Variants in LSAMP observed in about 807,000 individuals in gnomAD.
The protein encoded by LSAMP is limbic system-associated membrane protein.
A neutral mutation model predicts 38.6 loss-of-function variants in LSAMP; 7 were observed. The ratio of observed to expected loss-of-function variants is 0.18; its 90% CI spans 0.10 to 0.34. The LOEUF (loss-of-function observed/expected upper bound fraction) is 0.34, where lower values mean the gene tolerates loss of function less well. Among genes scored for constraint, LSAMP ranks in the 10% least tolerant of loss-of-function variants. The pLI is 1.00. For synonymous variants in LSAMP, 154 were observed against 166.8 expected (o/e 0.92, Z 0.59); for missense variants, 313 against 420.0 (o/e 0.75, Z 2.23).
At chr3:116,108,990 T>C (rs1443902348) in intron 1 of LSAMP, among the ~76,000 whole-genome samples, 1 of 152,204 alleles carries the variant, frequency 6.6e-6, no homozygotes, top group African/African-American at 2.4e-5. Context: ...TGGAGTTTTA[T>C]TTAATGTCGG....
intron 1 of LSAMP, among the ~76,000 whole-genome samples, chr3:116,309,746 AG>A (rs2047531398): frequency 1.3e-5 from 2 of 152,228 alleles, no homozygotes; most frequent in South Asian, 4.1e-4. Flanking sequence ...AGGTTGATTT[AG>A]GGGGCCTAGA....
At chr3:116,015,159 G>A (rs1343910185) in intron 3 of LSAMP, among the ~76,000 whole-genome samples, 1 of 152,126 alleles carries the variant, frequency 6.6e-6, no homozygotes, top group Non-Finnish European at 1.5e-5. Flanking sequence ...AAATTACACA[G>A]TATCTCTTGG....
chr3:116,117,781 T>C (rs1202010008), intron 1 of LSAMP, among the ~76,000 whole-genome samples: 1 of 152,174 alleles, frequency 6.6e-6, no homozygotes, highest in African/African-American at 2.4e-5. Context: ...AGGTAAAGTG[T>C]CATTTTAATT....
At position 115,808,687 on chromosome 3, in the gene LSAMP, T is replaced by TG. The variant is rs1363081012; in HGVS notation, c.*1629dup. On this transcript the variant is annotated 3_prime_UTR_variant, in exon 7 of 7. Transcript: ENST00000490035. ...AACAGTGGACCACCATGAACAGTGG[T>TG]GCTGCAAACACCATCAGTGAAACAG... 1 of 152,178 alleles carries TG rather than the reference T, an allele frequency of 6.6e-6. No individual in the cohort carries two copies. The highest frequency in any genetic ancestry group is 2.4e-5 in the African/African-American group (1 of 41,448). The allele number at this position is 152,178 out of a possible 1,614,324, so 9.4% of individuals were successfully genotyped here.
intron 3 of LSAMP, among the ~76,000 whole-genome samples, chr3:115,906,622 C>A (rs1937013673): frequency 6.6e-6 from 1 of 152,154 alleles, no homozygotes; most frequent in African/African-American, 2.4e-5. Flanking sequence ...TATCCACCAT[C>A]AAAGCCTTAA....
At chr3:116,405,745 T>C (rs2048890212) in intron 1 of LSAMP, among the ~76,000 whole-genome samples, 1 of 152,148 alleles carries the variant, frequency 6.6e-6, no homozygotes, top group South Asian at 2.1e-4. Context: ...TAATTATTTT[T>C]TGCAGATGCT....
At chr3:116,089,048 T>C (rs1708057563) in intron 1 of LSAMP, among the ~76,000 whole-genome samples, 2 of 152,176 alleles carry the variant, frequency 1.3e-5, no homozygotes, top group Admixed American at 1.3e-4. Context: ...ATAAGTCGGG[T>C]CTTTATGGTC....
chr3:116,052,556 G>A (rs1253218928), intron 2 of LSAMP, among the ~76,000 whole-genome samples: 1 of 152,106 alleles, frequency 6.6e-6, no homozygotes, highest in East Asian at 1.9e-4. Flanking sequence ...TAGGTCTCTG[G>A]TAGGTAAGCA....
chr3:115,839,319 T>C (rs1029148687), intron 6 of LSAMP, among the ~76,000 whole-genome samples: 1 of 140,542 alleles, frequency 7.1e-6, no homozygotes, highest in Non-Finnish European at 1.6e-5. Flanking sequence ...CCTTCCTTCC[T>C]TTTTTCCTTG....
At chr3:116,140,617 G>A (rs1161120028) in intron 1 of LSAMP, among the ~76,000 whole-genome samples, 1 of 151,786 alleles carries the variant, frequency 6.6e-6, no homozygotes, top group African/African-American at 2.4e-5. Context: ...TAAAAAGGTG[G>A]GAAATATAAT....
At chr3:116,117,583 A>G (rs1438505508) in intron 1 of LSAMP, among the ~76,000 whole-genome samples, 3 of 152,120 alleles carry the variant, frequency 2.0e-5, no homozygotes, top group Non-Finnish European at 2.9e-5. Context: ...AGTGTGCCAC[A>G]TTAGTTATTC....
chr3:115,810,227 C>G lies in LSAMP; in HGVS notation c.*90G>C. 1.2e-6 allele frequency: 1 copy of G among 865,066 alleles called. No individual in the cohort carries two copies. The highest frequency in any genetic ancestry group is 2.8e-5 in the East Asian group (1 of 36,244). The allele number at this position is 865,066 out of a possible 1,614,324, so 53.6% of individuals were successfully genotyped here. On this transcript the variant is annotated 3_prime_UTR_variant, in exon 7 of 7. Transcript: ENST00000490035. Reference sequence around the variant, plus strand: ...GAAATAAACGGTCTCCCCCATCTCTCTCTCTCTCTCTCTCTCTGTCTCTCT... The same window carrying G: ...GAAATAAACGGTCTCCCCCATCTCTGTCTCTCTCTCTCTCTCTGTCTCTCT...
At chr3:115,857,301 C>A (rs542445053) in intron 3 of LSAMP, among the ~76,000 whole-genome samples, 27 of 152,188 alleles carry the variant, frequency 1.8e-4, no homozygotes, top group Non-Finnish European at 3.2e-4. Flanking sequence ...ACGAGCCTGT[C>A]CCCAAGAGGG....
intron 2 of LSAMP, among the ~76,000 whole-genome samples, chr3:116,056,990 A>C (rs1432704052): frequency 6.6e-6 from 1 of 152,184 alleles, no homozygotes; most frequent in East Asian, 1.9e-4. Context: ...TAGTAAAATT[A>C]AGCTATGAAG....
chr3:116,218,602 G>C (rs892893588), intron 1 of LSAMP, among the ~76,000 whole-genome samples: 1 of 152,114 alleles, frequency 6.6e-6, no homozygotes, highest in Admixed American at 6.6e-5. Flanking sequence ...ACATTACCAG[G>C]TGTTTCTCTA....
intron 1 of LSAMP, among the ~76,000 whole-genome samples, chr3:116,229,648 C>G (rs2046380357): frequency 6.6e-6 from 1 of 151,918 alleles, no homozygotes; most frequent in Non-Finnish European, 1.5e-5. Context: ...AAATAGAACT[C>G]TAAAATAAAA....
intron 1 of LSAMP, among the ~76,000 whole-genome samples, chr3:116,220,935 A>G (rs1321394325): frequency 6.6e-6 from 1 of 152,128 alleles, no homozygotes; most frequent in African/African-American, 2.4e-5. Flanking sequence ...CAGGCGGATC[A>G]CGAGGTCAGG....
At chr3:116,415,016 T>C (rs1441100151) in intron 1 of LSAMP, among the ~76,000 whole-genome samples, 2 of 151,850 alleles carry the variant, frequency 1.3e-5, no homozygotes, top group African/African-American at 4.8e-5. Context: ...TCATTGGCCA[T>C]CTCCCCTTGC....
intron 3 of LSAMP, among the ~76,000 whole-genome samples, chr3:115,925,967 T>C (rs774965558): frequency 2.2e-4 from 34 of 151,816 alleles, no homozygotes; most frequent in Admixed American, 1.3e-4. Flanking sequence ...TGAAAGAGAA[T>C]TGAAGAACAT....
Sources: gnomAD v4.1 joint callset for allele counts (sites outside exome capture counted in the v4.1 genomes callset) on GRCh38, gnomAD v4.1.1 for gene constraint, MANE v1.5 for transcripts, NCBI Gene and HGNC (gene_info 2026-07-23, HGNC 2026-07-21) for gene names.